The following NRG1 variants were observed in gnomAD, a reference collection of about 807,000 sequenced individuals.
The protein encoded by NRG1 is neuregulin 1.
NRG1 carries 18 observed loss-of-function variants against 63.8 expected under a neutral mutation model. The observed-to-expected ratio is 0.28, with a 90% CI of 0.19 to 0.42. NRG1 has a LOEUF of 0.42. Among genes scored for constraint, NRG1 ranks in the 10% least tolerant of loss-of-function variants. The pLI, the probability that NRG1 is intolerant of heterozygous loss-of-function variation, is 1.00. For missense variants in NRG1, 762 were observed against 814.7 expected, an observed-to-expected ratio of 0.94 and a Z score of 0.79; for synonymous variants, 302 against 301.3, an observed-to-expected ratio of 1.00 and a Z score of -0.02.
chr8:31,722,315 G>A (rs1264282800), intron 1 of NRG1, among the ~76,000 whole-genome samples: 1 of 151,840 alleles, frequency 6.6e-6, no homozygotes, highest in Non-Finnish European at 1.5e-5. Flanking sequence ...TTTCTTCCTG[G>A]CTCTTTGACA....
At chr8:31,934,646 AC>A (rs778948554) in intron 1 of NRG1, among the ~76,000 whole-genome samples, 2 of 152,016 alleles carry the variant, frequency 1.3e-5, no homozygotes, top group Non-Finnish European at 2.9e-5. Flanking sequence ...CGGAAAGGGT[AC>A]CCACATTTTA....
intron 1 of NRG1, among the ~76,000 whole-genome samples, chr8:32,202,648 A>T (rs1025497226): frequency 2.0e-5 from 3 of 152,034 alleles, no homozygotes; most frequent in Admixed American, 6.6e-5. Flanking sequence ...GGTGGCTCTC[A>T]GCAGGAAGGG....
At chr8:31,821,997 T>C (rs971204683) in intron 1 of NRG1, among the ~76,000 whole-genome samples, 1 of 152,222 alleles carries the variant, frequency 6.6e-6, no homozygotes, top group Non-Finnish European at 1.5e-5. Flanking sequence ...TATATCTTTG[T>C]CTGTGATCAG....
intron 5 of NRG1, among the ~76,000 whole-genome samples, chr8:32,648,824 C>G (rs1401910814): frequency 6.6e-6 from 1 of 152,172 alleles, no homozygotes; most frequent in African/African-American, 2.4e-5. Context: ...TTACCCTCTA[C>G]CTCTCAGCGA....
At chr8:32,671,913 T>G (rs1471193839) in intron 5 of NRG1, among the ~76,000 whole-genome samples, 1 of 152,212 alleles carries the variant, frequency 6.6e-6, no homozygotes. Flanking sequence ...TTGTGTTACT[T>G]TTCCAAACCT....
At chr8:31,866,477 G>A (rs571508262) in intron 1 of NRG1, among the ~76,000 whole-genome samples, 5 of 152,086 alleles carry the variant, frequency 3.3e-5, no homozygotes, top group Non-Finnish European at 7.4e-5. Flanking sequence ...GATACAATTT[G>A]TTGACTTTCA....
At chr8:32,612,341 TAA>T (rs1022669103) in intron 3 of NRG1, among the ~76,000 whole-genome samples, 13 of 152,122 alleles carry the variant, frequency 8.5e-5, no homozygotes, top group African/African-American at 3.1e-4. Context: ...TGGTTTTAAT[TAA>T]AAAGATTAAC....
chr8:31,659,587 G>T (rs1209483977), intron 1 of NRG1, among the ~76,000 whole-genome samples: 1 of 152,072 alleles, frequency 6.6e-6, no homozygotes, highest in Non-Finnish European at 1.5e-5. Context: ...AAATGGCCTT[G>T]TTGGCAGAAT....
chr8:32,763,879 C>T (rs774365052), exon 12 of NRG1: 45 of 1,613,954 alleles, frequency 2.8e-5, no homozygotes, highest in African/African-American at 5.3e-5. Flanking sequence ...CCTTCCATGG[C>T]GGTCAGCCCC....
intron 1 of NRG1, among the ~76,000 whole-genome samples, chr8:31,795,890 A>G (rs1157513432): frequency 6.6e-6 from 1 of 152,194 alleles, no homozygotes; most frequent in Non-Finnish European, 1.5e-5. Context: ...TGTTTGAAGA[A>G]CTTGGTTTCT....
intron 1 of NRG1, chr8:32,026,139 A>ACTGCAAGATCTCGG (rs1817313404): frequency 6.7e-6 from 1 of 148,738 alleles, no homozygotes; most frequent in South Asian, 2.1e-4. Flanking sequence ...CAGGATCTCG[A>ACTGCAAGATCTCGG]CTCACTGCAA....
At chr8:32,723,101 G>T (rs1821058883) in intron 5 of NRG1, among the ~76,000 whole-genome samples, 2 of 152,052 alleles carry the variant, frequency 1.3e-5, no homozygotes, top group Admixed American at 6.6e-5. Flanking sequence ...ATATATTTGT[G>T]TGCAGTGTTG....
chr8:32,340,210 A>C lies in NRG1; in HGVS notation c.38-255618A>C, dbSNP rs192651239. The stretch of plus-strand genomic sequence containing the variant: ...ATTTAAAACAATACACATGTAAAAA[A>C]TAAAAAATAAAACAATATGCATGTA... On this transcript the variant is annotated intron_variant, in intron 1 of 10. Transcript: ENST00000519301. 4.9e-3 allele frequency among the ~76,000 whole-genome samples: 743 copies of C among 152,352 alleles called. 1 individual carries two copies. The highest frequency in any genetic ancestry group is 8.2e-3 in the Non-Finnish European group (555 of 68,034).
chr8:32,591,460 C>T (rs1488377011), intron 1 of NRG1, among the ~76,000 whole-genome samples: 2 of 151,906 alleles, frequency 1.3e-5, no homozygotes, highest in Admixed American at 6.6e-5. Flanking sequence ...TAGATCATCT[C>T]GTAAGGCAAG....
chr8:32,198,876 A>G (rs1183831144), intron 1 of NRG1, among the ~76,000 whole-genome samples: 1 of 151,642 alleles, frequency 6.6e-6, no homozygotes, highest in Non-Finnish European at 1.5e-5. Context: ...AAACTTGCAT[A>G]TATCTTAATA....
In NRG1 at chr8:31,967,779, C is replaced by A. The variant is rs1806604152; in HGVS notation, c.37+328348C>A. 2.0e-5 allele frequency among the ~76,000 whole-genome samples: 3 copies of A among 152,212 alleles called. No homozygotes were observed. In the South Asian group the frequency reaches 6.2e-4, roughly 32 times the overall value. On this transcript the variant is annotated intron_variant, in intron 1 of 10. Coordinates refer to the NRG1 transcript ENST00000519301. ...CAGCCAATTGATACTCCAGGCAGAGCCATTCAGAGCTGAAGAGAAAGCACT... is the reference window on the plus strand; with the variant it reads ...CAGCCAATTGATACTCCAGGCAGAGACATTCAGAGCTGAAGAGAAAGCACT...
chr8:32,493,826 G>A (rs1192325116), intron 1 of NRG1, among the ~76,000 whole-genome samples: 4 of 152,114 alleles, frequency 2.6e-5, no homozygotes, highest in African/African-American at 9.7e-5. Flanking sequence ...TTTGAGGTTT[G>A]GGTTGGATAA....
chr8:31,663,496 G>A (rs2130951577), intron 1 of NRG1, among the ~76,000 whole-genome samples: 1 of 152,242 alleles, frequency 6.6e-6, no homozygotes, highest in East Asian at 1.9e-4. Flanking sequence ...CTGTGGATGA[G>A]GGTGTATGTG....
intron 1 of NRG1, among the ~76,000 whole-genome samples, chr8:31,891,599 A>G (rs976886707): frequency 5.4e-4 from 82 of 152,190 alleles, no homozygotes; most frequent in African/African-American, 1.8e-3. Context: ...AATTAAACAT[A>G]CAACTACCAT....
Sources: allele counts gnomAD v4.1 joint callset (sites outside exome capture counted in the v4.1 genomes callset), GRCh38; gene constraint gnomAD v4.1.1; transcripts MANE v1.5; gene names NCBI Gene and HGNC (gene_info 2026-07-23, HGNC 2026-07-21).